The following SHISA3 variants were observed in gnomAD, a reference collection of about 807,000 sequenced individuals.
The protein encoded by SHISA3 is protein shisa-3 homolog.
A neutral mutation model predicts 19.2 loss-of-function variants in SHISA3; 15 were observed. That is an observed-to-expected ratio of 0.78 (90% CI 0.52 to 1.20). SHISA3 has a LOEUF of 1.20. Ranked by LOEUF, SHISA3 falls within the 50% of genes most tolerant of loss-of-function variation. The probability of loss-of-function intolerance (pLI) is 0.00; values close to 1 mark genes in which losing one functional copy is unlikely to be tolerated. For missense variants in SHISA3, 327 were observed against 315.7 expected, an observed-to-expected ratio of 1.04 and a Z score of -0.27; for synonymous variants, 145 against 135.2, an observed-to-expected ratio of 1.07 and a Z score of -0.50.
At position 42,397,994 on chromosome 4, in the gene SHISA3, C is replaced by G. The variant is rs1312886573; in HGVS notation, c.-63C>G. 1 of 1,423,878 alleles carries G rather than the reference C, an allele frequency of 7.0e-7. No homozygotes were observed. Among genetic ancestry groups the G allele is most frequent in the Non-Finnish European group, 9.2e-7 (1 of 1,083,068 alleles). The allele number at this position is 1,423,878 out of a possible 1,614,324, so 88.2% of individuals were successfully genotyped here. A position where few individuals can be genotyped will look rare whatever the true frequency, so the allele number is the denominator to read the frequency against. ...GCGGAATCGCTGTGCGCCCTGAGCCCGGGCTCAGCCCTTCGCTTTCCAGCT... is the reference window on the plus strand; with the variant it reads ...GCGGAATCGCTGTGCGCCCTGAGCCGGGGCTCAGCCCTTCGCTTTCCAGCT... On this transcript the variant is annotated 5_prime_UTR_variant, in exon 1 of 2. Transcript: ENST00000319234.
chr4:42,400,956 C>T (rs1711892330), intron 1 of SHISA3, 56 bp from the exon 2 acceptor site: 2 of 1,561,026 alleles, frequency 1.3e-6, no homozygotes, highest in Non-Finnish European at 1.7e-6. Context: ...AAGCAGAGTT[C>T]AGAATCTGGG....
Position 42,401,604 on chromosome 4 carries a change from A to C in SHISA3, c.*153A>C. The C allele has an allele frequency of 1.3e-6, 1 of 776,608 alleles. No homozygotes were observed. Among genetic ancestry groups the C allele is most frequent in the Non-Finnish European group, 2.0e-6 (1 of 509,788 alleles). The allele number at this position is 776,608 out of a possible 1,614,324, so 48.1% of individuals were successfully genotyped here. A position where few individuals can be genotyped will look rare whatever the true frequency, so the allele number is the denominator to read the frequency against. On this transcript the variant is annotated 3_prime_UTR_variant, in exon 2 of 2. Transcript: ENST00000319234. ...AAAACACAGCACCTTCTAATTTGAAAGTTCCTGTCTCCAATCACAGAAAGG... is the reference window on the plus strand; with the variant it reads ...AAAACACAGCACCTTCTAATTTGAACGTTCCTGTCTCCAATCACAGAAAGG...
chr4:42,399,449 G>C (rs1410911584), intron 1 of SHISA3, among the ~76,000 whole-genome samples: 2 of 152,198 alleles, frequency 1.3e-5, no homozygotes, highest in Non-Finnish European at 2.9e-5. Flanking sequence ...CGGAAAGTAG[G>C]GAAATCTAGG....
rs1185612825 is a variant in SHISA3 at position 42,398,253 on chromosome 4, G to A, written c.197G>A (p.Cys66Tyr). ...CCGSCALRYC[C>Y]AAADARLEQG... ...GGCTCCTGCGCGCTCCGCTACTGTT[G>A]CGCCGCGGCCGACGCCAGGCTGGAG... The change falls in exon 1 of 2, where the codon TGC (cysteine) becomes TAC (tyrosine). Residue 66 changes from cysteine (C) to tyrosine (Y), a missense_variant. Cys to Tyr is a radical substitution (Grantham distance 194). Transcript: ENST00000319234. The A allele has an allele frequency of 1.9e-6, 3 of 1,573,706 alleles. No individual in the cohort carries two copies. Among genetic ancestry groups the A allele is most frequent in the Non-Finnish European group, 2.6e-6 (3 of 1,160,148 alleles).
At chr4:42,398,558 G>A (rs1711818281) in intron 1 of SHISA3, among the ~76,000 whole-genome samples, 1 of 152,216 alleles carries the variant, frequency 6.6e-6, no homozygotes, top group Non-Finnish European at 1.5e-5. Flanking sequence ...TGCGGTCTCT[G>A]CGGGTCGGCC....
Position 42,401,084 on chromosome 4 carries a change from C to T in SHISA3, c.350C>T (p.Ala117Val). ...TTCATCATCCTGGGCTCTGTAGTGGCTATTTATTGTTGCACCTGTTTGAGA... is the reference window on the plus strand; with the variant it reads ...TTCATCATCCTGGGCTCTGTAGTGGTTATTTATTGTTGCACCTGTTTGAGA... ...IAFIILGSVVAIYCCTCLRPK... is the reference protein window; with the variant it reads ...IAFIILGSVVVIYCCTCLRPK... The change falls in exon 2 of 2, where the codon GCT becomes GTT. Residue 117 changes from alanine (A) to valine (V), a missense_variant. Coordinates refer to ENST00000319234, the MANE Select transcript of SHISA3 (RefSeq NM_001080505.3). 6.2e-7 allele frequency: 1 copy of T among 1,614,174 alleles called. No homozygotes were observed. Among genetic ancestry groups the T allele is most frequent in the South Asian group, 1.1e-5 (1 of 91,088 alleles).
At position 42,401,239 on chromosome 4, in the gene SHISA3, A is replaced by C. The variant is rs765475466; in HGVS notation, c.505A>C (p.Ser169Arg). 1.2e-6 allele frequency: 2 copies of C among 1,614,152 alleles called. No individual in the cohort carries two copies. Among genetic ancestry groups the C allele is most frequent in the African/African-American group, 2.7e-5 (2 of 75,038 alleles). The change falls in exon 2 of 2, where the codon AGC becomes CGC. Residue 169 changes from serine to arginine, a missense_variant. Ser to Arg is a moderately radical substitution (Grantham distance 110). Coordinates refer to ENST00000319234, the MANE Select transcript of SHISA3 (RefSeq NM_001080505.3). ...SRQSSTATSSSSTGGSIRRFS... is the reference protein window; with the variant it reads ...SRQSSTATSSRSTGGSIRRFS... ...GCAGTCCAGCACAGCCACGAGCTCCAGCTCCACAGGCGGCTCCATCCGCAG... is the reference window on the plus strand; with the variant it reads ...GCAGTCCAGCACAGCCACGAGCTCCCGCTCCACAGGCGGCTCCATCCGCAG...
In SHISA3 at chr4:42,397,570, C is replaced by A. The variant is rs1711765865; in HGVS notation, c.-487C>A. Among the ~76,000 whole-genome samples, 2 of 152,144 alleles carry A rather than the reference C, an allele frequency of 1.3e-5. No homozygotes were observed. Among genetic ancestry groups the A allele is most frequent in the Non-Finnish European group, 2.9e-5 (2 of 68,000 alleles). On this transcript the variant is annotated 5_prime_UTR_variant, in exon 1 of 2. Transcript: ENST00000319234. ...CAGATAGGGGCTGGGGCTGAGCGGCCGCCTGTCTGGGGTACTCGCACGTGG... is the reference window on the plus strand; with the variant it reads ...CAGATAGGGGCTGGGGCTGAGCGGCAGCCTGTCTGGGGTACTCGCACGTGG...
intron 1 of SHISA3, among the ~76,000 whole-genome samples, chr4:42,399,252 C>T (rs1711838856): frequency 6.6e-6 from 1 of 152,034 alleles, no homozygotes; most frequent in Non-Finnish European, 1.5e-5. Context: ...AAGAGAAGGT[C>T]GCCGGGAAAG....
Position 42,398,323 on chromosome 4 carries a change from C to T in SHISA3, c.267C>T (p.Gly89=). 1.3e-6 allele frequency: 2 copies of T among 1,554,362 alleles called. No individual in the cohort carries two copies. Among genetic ancestry groups the T allele is most frequent in the Admixed American group, 1.9e-5 (1 of 52,686 alleles). Residue 89 remains glycine (G), a synonymous_variant, in exon 1 of 2, where the codon GGC becomes GGT. Transcript: ENST00000319234. ...TNDRRELEHP[G]ITAQPVYVPF... Reference sequence around the variant, plus strand: ...ACCGCCGCGAACTGGAGCACCCAGGCATCACTGCGCGTAAGTGCGGGGCCC... The same window carrying T: ...ACCGCCGCGAACTGGAGCACCCAGGTATCACTGCGCGTAAGTGCGGGGCCC...
chr4:42,402,280 A>G lies in SHISA3; in HGVS notation c.*829A>G, dbSNP rs1393163822. On this transcript the variant is annotated 3_prime_UTR_variant, in exon 2 of 2. Transcript: ENST00000319234. ...TAAATATTTGTAATTTAATGTATTT[A>G]CCACATTGACTGTACTAATTATTTA... 6.6e-6 allele frequency: 1 copy of G among 152,204 alleles called. No homozygotes were observed. Among genetic ancestry groups the G allele is most frequent in the African/African-American group, 2.4e-5 (1 of 41,460 alleles). 9.4% of individuals were successfully genotyped at this position (152,204 alleles called of 1,614,324 possible). A position where few individuals can be genotyped will look rare whatever the true frequency, so the allele number is the denominator to read the frequency against.
In SHISA3 at chr4:42,397,956, T is replaced by C; in HGVS notation, c.-101T>C. ...CCGCCGGGGCCAGCAGCTTGCGACG[T>C]GTCCCTGGGGAGGCGGAATCGCTGT... is the stretch of plus-strand genomic sequence containing the variant. On this transcript the variant is annotated 5_prime_UTR_variant, in exon 1 of 2. Coordinates refer to ENST00000319234, the MANE Select transcript of SHISA3 (RefSeq NM_001080505.3). 1.7e-6 allele frequency: 2 copies of C among 1,201,368 alleles called. No homozygotes were observed. The highest frequency in any genetic ancestry group is 3.3e-5 in the South Asian group (2 of 61,426). 74.4% of individuals were successfully genotyped at this position (1,201,368 alleles called of 1,614,324 possible). A position where few individuals can be genotyped will look rare whatever the true frequency, so the allele number is the denominator to read the frequency against.
chr4:42,398,368 C>G, intron 1 of SHISA3, 35 bp downstream of exon 1: 1 of 1,491,052 alleles, frequency 6.7e-7, no homozygotes, highest in South Asian at 1.3e-5. Context: ...TATCCCCGCC[C>G]GCCTAACGGC....
chr4:42,398,841 A>C (rs1276396014), intron 1 of SHISA3, among the ~76,000 whole-genome samples: 1 of 151,972 alleles, frequency 6.6e-6, no homozygotes, highest in Non-Finnish European at 1.5e-5. Flanking sequence ...TTTCTGTCTT[A>C]ATGATAGCGT....
chr4:42,399,234 G>C (rs1033111867), intron 1 of SHISA3, among the ~76,000 whole-genome samples: 2 of 152,168 alleles, frequency 1.3e-5, no homozygotes, highest in Non-Finnish European at 2.9e-5. Flanking sequence ...CCGAGGTCTG[G>C]AGCCCGCAAG....
chr4:42,399,555 C>G (rs1377201762), intron 1 of SHISA3, among the ~76,000 whole-genome samples: 1 of 152,206 alleles, frequency 6.6e-6, no homozygotes, highest in Non-Finnish European at 1.5e-5. Flanking sequence ...AGTGCAATTG[C>G]CCAGTCTGCA....
rs1711927657 is a variant in SHISA3 at position 42,401,644 on chromosome 4, T to C, written c.*193T>C. The C allele has an allele frequency of 1.8e-6, 1 of 570,146 alleles. No homozygotes were observed. Among genetic ancestry groups the C allele is most frequent in the Admixed American group, 3.5e-5 (1 of 28,210 alleles). The allele number at this position is 570,146 out of a possible 1,614,324, so 35.3% of individuals were successfully genotyped here. On this transcript the variant is annotated 3_prime_UTR_variant, in exon 2 of 2. Coordinates refer to ENST00000319234, the MANE Select transcript of SHISA3 (RefSeq NM_001080505.3). ...TCACAGAAAGGCTAAACCAGAGAACTGTTTTCTGGTTTTGCAAACATGTGA... is the reference window on the plus strand; with the variant it reads ...TCACAGAAAGGCTAAACCAGAGAACCGTTTTCTGGTTTTGCAAACATGTGA...
rs1346555237 is a variant in SHISA3 at position 42,397,635 on chromosome 4, C to A, written c.-422C>A. Among the ~76,000 whole-genome samples the A allele has an allele frequency of 6.6e-6, 1 of 152,110 alleles. No individual in the cohort carries two copies. The highest frequency in any genetic ancestry group is 2.4e-5 in the African/African-American group (1 of 41,430). ...TCCTCCGGCTCCTCTCGGGACCCGG[C>A]GATCGCCACAGGTTGGGACTCTGTG... On this transcript the variant is annotated 5_prime_UTR_variant, in exon 1 of 2. Coordinates refer to ENST00000319234, the MANE Select transcript of SHISA3 (RefSeq NM_001080505.3).
In SHISA3 at chr4:42,398,308, A is replaced by T; in HGVS notation, c.252A>T (p.Glu84Asp). 1 of 1,561,038 alleles carries T rather than the reference A, an allele frequency of 6.4e-7. No homozygotes were observed. The highest frequency in any genetic ancestry group is 8.7e-7 in the Non-Finnish European group (1 of 1,154,616). ...GCGGCTGCACCAACGACCGCCGCGA[A>T]CTGGAGCACCCAGGCATCACTGCGC... The part of the protein sequence containing the change: ...EQGGCTNDRR[E>D]LEHPGITAQP... The change falls in exon 1 of 2, where the codon GAA becomes GAT. Residue 84 changes from glutamate to aspartate, a missense_variant. Transcript: ENST00000319234.
Sources: allele counts gnomAD v4.1 joint callset (sites outside exome capture counted in the v4.1 genomes callset), GRCh38; gene constraint gnomAD v4.1.1; transcripts MANE v1.5; gene names NCBI Gene and HGNC (gene_info 2026-07-23, HGNC 2026-07-21).